The following PTPRJ variants were observed in gnomAD, a reference collection of about 807,000 sequenced individuals.
PTPRJ encodes the protein receptor-type tyrosine-protein phosphatase eta.
Under a neutral mutation model 141.3 loss-of-function variants are expected in PTPRJ, and 129 were observed. The ratio of observed to expected loss-of-function variants is 0.91; its 90% CI spans 0.79 to 1.06. The LOEUF is 1.06. Ranked by LOEUF, PTPRJ falls within the 50% of genes least tolerant of loss-of-function variation. PTPRJ has a pLI of 0.00. For missense variants in PTPRJ, 1,601 were observed against 1,679.7 expected (o/e 0.95, Z 0.82); for synonymous variants, 610 against 640.5 (o/e 0.95, Z 0.72).
At chr11:48,057,342 A>G (rs1489496593) in intron 1 of PTPRJ, among the ~76,000 whole-genome samples, 2 of 152,226 alleles carry the variant, frequency 1.3e-5, no homozygotes, top group African/African-American at 4.8e-5. Flanking sequence ...TGGAGTTTAA[A>G]CAGCACACCT....
chr11:48,021,637 A>G (rs1855127795), intron 1 of PTPRJ, among the ~76,000 whole-genome samples: 1 of 151,910 alleles, frequency 6.6e-6, no homozygotes, highest in Admixed American at 6.6e-5. Context: ...CATTGTGTAG[A>G]TTAAGGAGCA....
chr11:48,080,822 C>T (rs1297487826), intron 1 of PTPRJ, among the ~76,000 whole-genome samples: 1 of 152,252 alleles, frequency 6.6e-6, no homozygotes, highest in Non-Finnish European at 1.5e-5. Context: ...GCACTTCACA[C>T]TGTGTCATGC....
intron 1 of PTPRJ, among the ~76,000 whole-genome samples, chr11:48,074,353 G>A (rs1382399841): frequency 6.6e-6 from 1 of 152,178 alleles, no homozygotes. Flanking sequence ...GGATTAATTT[G>A]TGCATGGATA....
chr11:48,092,347 G>C (rs1267088651), intron 1 of PTPRJ, among the ~76,000 whole-genome samples: 1 of 150,650 alleles, frequency 6.6e-6, no homozygotes, highest in Non-Finnish European at 1.5e-5. Context: ...GCAGGTAGGT[G>C]CTTCTAGCTA....
chr11:48,116,169 AC>A (rs1325371228), intron 3 of PTPRJ, among the ~76,000 whole-genome samples: 1 of 152,054 alleles, frequency 6.6e-6, no homozygotes, highest in Non-Finnish European at 1.5e-5. Context: ...TATGCTGTCT[AC>A]AAGAGACTCA....
intron 1 of PTPRJ, among the ~76,000 whole-genome samples, chr11:48,083,157 G>A (rs144344359): frequency 0.013 from 1,991 of 152,306 alleles, 11 homozygotes; most frequent in Non-Finnish European, 0.021. Flanking sequence ...TGGGTGCGGT[G>A]GCTCACGCCT....
chr11:48,154,618 G>T (rs1211909699), intron 19 of PTPRJ, among the ~76,000 whole-genome samples: 1 of 152,182 alleles, frequency 6.6e-6, no homozygotes, highest in Non-Finnish European at 1.5e-5. Flanking sequence ...GATAGACTTT[G>T]CAGATAATTT....
chr11:48,047,246 C>A (rs1854431669), intron 1 of PTPRJ, among the ~76,000 whole-genome samples: 1 of 152,028 alleles, frequency 6.6e-6, no homozygotes, highest in South Asian at 2.1e-4. Context: ...AAGCAGTTTG[C>A]AGAAGAATTA....
At chr11:47,998,371 A>G (rs187198760) in intron 1 of PTPRJ, among the ~76,000 whole-genome samples, 4 of 152,338 alleles carry the variant, frequency 2.6e-5, no homozygotes, top group Admixed American at 2.6e-4. Flanking sequence ...ACATATCCCA[A>G]GTACATTGAT....
At chr11:48,156,344 T>C (rs1367995454) in intron 21 of PTPRJ, among the ~76,000 whole-genome samples, 1 of 152,136 alleles carries the variant, frequency 6.6e-6, no homozygotes, top group Non-Finnish European at 1.5e-5. Flanking sequence ...CAAATATCAG[T>C]GTCTTCTGTT....
At chr11:48,132,504 G>T (rs1283294061) in intron 8 of PTPRJ, 1 of 982,730 alleles carries the variant, frequency 1.0e-6, no homozygotes, top group East Asian at 1.1e-4. Context: ...TTTTGGAAAG[G>T]TTGAAAAACA....
chr11:48,015,654 A>G (rs1373629127), intron 1 of PTPRJ, among the ~76,000 whole-genome samples: 1 of 151,920 alleles, frequency 6.6e-6, no homozygotes, highest in Non-Finnish European at 1.5e-5. Context: ...AGGCAGGTGG[A>G]TCACTTGAGG....
At chr11:48,124,913 G>T in intron 5 of PTPRJ, 55 bp from the exon 6 acceptor site, 1 of 1,562,746 alleles carries the variant, frequency 6.4e-7, no homozygotes. Flanking sequence ...GAAGGAAAAT[G>T]GGGGATGTGT....
chr11:48,122,316 A>C (rs908362697), intron 4 of PTPRJ, among the ~76,000 whole-genome samples: 1 of 152,184 alleles, frequency 6.6e-6, no homozygotes, highest in African/African-American at 2.4e-5. Flanking sequence ...TCATGAGGAC[A>C]AGGTGACCCC....
chr11:48,131,226 G>A (rs2134353025), intron 8 of PTPRJ, among the ~76,000 whole-genome samples: 1 of 151,714 alleles, frequency 6.6e-6, no homozygotes, highest in East Asian at 1.9e-4. Flanking sequence ...GGAATTACAG[G>A]TGTGCACCAC....
At chr11:48,128,111 A>G in intron 7 of PTPRJ, 68 bp downstream of exon 7, 2 of 1,525,846 alleles carry the variant, frequency 1.3e-6, no homozygotes, top group Non-Finnish European at 9.0e-7. Context: ...CAGACACAGG[A>G]TGCATGATGT....
chr11:48,125,125 C>T lies in PTPRJ; in HGVS notation c.1032C>T (p.Thr344=), dbSNP rs757412498. ...AGCCTGGCACCCGATACAATGCCAC[C>T]GTTTATTCCCAAGCAGCGAATGGCA... The part of the protein sequence containing the change: ...GLEPGTRYNA[T]VYSQAANGTE... Residue 344 remains threonine, a synonymous_variant, in exon 6 of 25, where the codon ACC becomes ACT. Transcript: ENST00000418331. The T allele has an allele frequency of 3.0e-5, 48 of 1,613,930 alleles. No homozygotes were observed. Among genetic ancestry groups the T allele is most frequent in the African/African-American group, 1.6e-4 (12 of 74,874 alleles).
intron 1 of PTPRJ, among the ~76,000 whole-genome samples, chr11:48,078,661 G>T (rs771129315): frequency 6.6e-6 from 1 of 152,084 alleles, no homozygotes; most frequent in Non-Finnish European, 1.5e-5. Context: ...CAAAGCAATG[G>T]CTTGCCATCT....
Position 48,131,636 on chromosome 11 carries a change from G to GT in PTPRJ, c.1615+922dup, listed in dbSNP as rs529400196. 4.1e-4 allele frequency: 296 copies of GT among 713,660 alleles called. No homozygotes were observed. In the African/African-American group the frequency reaches 4.5e-3, roughly 11 times the overall value. 44.2% of individuals were successfully genotyped at this position (713,660 alleles called of 1,614,324 possible). On this transcript the variant is annotated intron_variant, in intron 8 of 24. Coordinates refer to ENST00000418331, the MANE Select transcript of PTPRJ (RefSeq NM_002843.4). ...TAAAGTTTTATTGGATCACAGCCAT[G>GT]TTCATTTGCTTATGTACTGTCTATG...
Sources: allele counts gnomAD v4.1 joint callset (sites outside exome capture counted in the v4.1 genomes callset), GRCh38; gene constraint gnomAD v4.1.1; transcripts MANE v1.5; gene names NCBI Gene and HGNC (gene_info 2026-07-23, HGNC 2026-07-21).